The following AK4 variants were observed in gnomAD, a reference collection of about 807,000 sequenced individuals.
AK4 encodes adenylate kinase 4, also known as adenylate kinase 4, mitochondrial.
In AK4, 13 loss-of-function variants were observed where a neutral mutation model predicts 24.6. The observed-to-expected ratio is 0.53, with a 90% confidence interval of 0.34 to 0.84. The LOEUF is 0.84. AK4 is among the 40% of genes least tolerant of loss of function. The probability of loss-of-function intolerance (pLI) is 0.01; values close to 1 mark genes in which losing one functional copy is unlikely to be tolerated. For synonymous variants in AK4, 88 were observed against 107.0 expected (o/e 0.82, Z 1.10); for missense variants, 192 against 288.2 (o/e 0.67, Z 2.42).
At chr1:65,206,865 T>C (rs1046679130) in intron 2 of AK4, among the ~76,000 whole-genome samples, 3 of 152,220 alleles carry the variant, frequency 2.0e-5, no homozygotes, top group Non-Finnish European at 4.4e-5. Flanking sequence ...CCTTCCTCAA[T>C]GGAATATGCA....
chr1:65,179,905 A>G (rs568219789), intron 1 of AK4, among the ~76,000 whole-genome samples: 2 of 152,282 alleles, frequency 1.3e-5, no homozygotes, highest in South Asian at 4.1e-4. Context: ...TAGTATCTCC[A>G]TGTTCTTGAA....
At chr1:65,215,228 GTGGCACGATCT>G (rs1286846205) in intron 2 of AK4, among the ~76,000 whole-genome samples, 2 of 151,198 alleles carry the variant, frequency 1.3e-5, no homozygotes, top group African/African-American at 4.9e-5. Flanking sequence ...CTGGAGTGCA[GTGGCACGATCT>G]CTACTCACTG....
At chr1:65,180,673 C>T (rs1650872060) in intron 1 of AK4, among the ~76,000 whole-genome samples, 4 of 152,194 alleles carry the variant, frequency 2.6e-5, no homozygotes, top group African/African-American at 9.6e-5. Flanking sequence ...TGTATTTTTT[C>T]CCCCAAAGTA....
intron 1 of AK4, among the ~76,000 whole-genome samples, chr1:65,152,565 G>C (rs1371611627): frequency 1.3e-5 from 2 of 151,140 alleles, no homozygotes; most frequent in Non-Finnish European, 3.0e-5. Context: ...ACCACGTGTG[G>C]CTATTTTTGT....
chr1:65,170,467 C>T (rs1650478434), intron 1 of AK4, among the ~76,000 whole-genome samples: 1 of 152,202 alleles, frequency 6.6e-6, no homozygotes, highest in African/African-American at 2.4e-5. Context: ...TGTCATGTTT[C>T]AAACACTGCT....
chr1:65,210,854 A>G (rs955456500), intron 2 of AK4, among the ~76,000 whole-genome samples: 2 of 152,172 alleles, frequency 1.3e-5, no homozygotes, highest in African/African-American at 4.8e-5. Flanking sequence ...TCTCACAATG[A>G]CTTTATGAAT....
Position 65,231,477 on chromosome 1 carries a change from T to G in AK4, c.*5300T>G, listed in dbSNP as rs1032255755. On this transcript the variant is annotated 3_prime_UTR_variant, in exon 5 of 5. Transcript: ENST00000327299. The stretch of plus-strand genomic sequence containing the variant: ...TTCCCAGAAGCACAGTGTCATTCTT[T>G]AAATAAAAGCTTTCCTGTTTAAAGC... 1.3e-5 allele frequency: 2 copies of G among 152,208 alleles called. No individual in the cohort carries two copies. The highest frequency in any genetic ancestry group is 4.8e-5 in the African/African-American group (2 of 41,450). The allele number at this position is 152,208 out of a possible 1,614,324, so 9.4% of individuals were successfully genotyped here.
intron 1 of AK4, among the ~76,000 whole-genome samples, chr1:65,149,433 G>C (rs554784843): frequency 1.3e-5 from 2 of 152,214 alleles, no homozygotes; most frequent in Admixed American, 1.3e-4. Flanking sequence ...AAAGGCGAGA[G>C]GTAGCGGTTG....
chr1:65,148,860 T>G, intron 1 of AK4: 2 of 256,448 alleles, frequency 7.8e-6, no homozygotes, highest in Non-Finnish European at 1.5e-5. Flanking sequence ...ACCCGGAGCT[T>G]CCGTCTCACG....
intron 4 of AK4, among the ~76,000 whole-genome samples, chr1:65,225,095 C>G (rs1175551828): frequency 6.6e-6 from 1 of 152,224 alleles, no homozygotes; most frequent in East Asian, 1.9e-4. Flanking sequence ...CAAACCTGAT[C>G]ATCTCTGTCT....
chr1:65,205,979 G>A (rs1570126621), intron 2 of AK4, among the ~76,000 whole-genome samples: 1 of 151,832 alleles, frequency 6.6e-6, no homozygotes, highest in Admixed American at 6.6e-5. Context: ...TCCCTCTACC[G>A]GCAGTGCCCT....
intron 1 of AK4, among the ~76,000 whole-genome samples, chr1:65,184,623 T>A (rs960618707): frequency 1.3e-5 from 2 of 152,218 alleles, no homozygotes; most frequent in African/African-American, 4.8e-5. Flanking sequence ...GGAATACTGC[T>A]TCAGAAATTA....
chr1:65,154,749 A>G, intron 1 of AK4: 1 of 266,410 alleles, frequency 3.8e-6, no homozygotes, highest in Non-Finnish European at 7.8e-6. Context: ...GAACGCTCTT[A>G]CAAATGTCAT....
At chr1:65,148,083 AC>A, upstream of AK4, 1 of 315,036 alleles carries the variant, frequency 3.2e-6, no homozygotes, top group Non-Finnish European at 5.7e-6. Flanking sequence ...CCGACCTCTG[AC>A]CCCTGGAGGC....
intron 1 of AK4, among the ~76,000 whole-genome samples, chr1:65,157,876 T>C (rs1338448049): frequency 6.6e-6 from 1 of 152,108 alleles, no homozygotes; most frequent in African/African-American, 2.4e-5. Context: ...AGGTGAGATT[T>C]GGGAAGGCTT....
At chr1:65,150,286 T>TC (rs72449250) in intron 1 of AK4, among the ~76,000 whole-genome samples, 1,022 of 55,346 alleles carry the variant, frequency 0.018, 3 homozygotes, top group African/African-American at 0.036. Flanking sequence ...TCTCTCTCTC[T>TC]TTTTTTTTTT....
intron 2 of AK4, among the ~76,000 whole-genome samples, chr1:65,197,414 T>C (rs1651505999): frequency 6.6e-6 from 1 of 152,226 alleles, no homozygotes; most frequent in Non-Finnish European, 1.5e-5. Flanking sequence ...ATTTTGGAAT[T>C]GTAAATGAAA....
At chr1:65,182,974 G>A (rs578240430) in intron 1 of AK4, among the ~76,000 whole-genome samples, 101 of 152,052 alleles carry the variant, frequency 6.6e-4, no homozygotes, top group Admixed American at 8.5e-4. Flanking sequence ...TTTTGCTATT[G>A]AAAGCTTTTG....
At chr1:65,148,126 A>T (rs1443253234), upstream of AK4, 5 of 537,424 alleles carry the variant, frequency 9.3e-6, no homozygotes, top group Admixed American at 3.8e-5. Flanking sequence ...GGCGCGCTTC[A>T]GCAGCTTTGC....
Sources: allele counts gnomAD v4.1 joint callset (sites outside exome capture counted in the v4.1 genomes callset), GRCh38; gene constraint gnomAD v4.1.1; transcripts MANE v1.5; gene names NCBI Gene and HGNC (gene_info 2026-07-23, HGNC 2026-07-21).